DCDC1: variants seen among roughly 807,000 people sequenced by gnomAD.
The protein encoded by DCDC1 is doublecortin domain containing 1, also known as doublecortin domain-containing protein 1.
DCDC1 carries 200 observed loss-of-function variants against 178.3 expected under a neutral mutation model. The observed-to-expected ratio is 1.12, with a 90% CI of 1.00 to 1.26. The LOEUF (loss-of-function observed/expected upper bound fraction) is 1.26. Among genes scored for constraint, DCDC1 ranks in the 50% most tolerant of loss-of-function variants. The pLI is 0.00. For synonymous variants in DCDC1, 690 were observed against 604.8 expected (o/e 1.14, Z -2.07); for missense variants, 1,983 against 1,749.2 (o/e 1.13, Z -2.38).
At chr11:30,975,831 T>C (rs1450412576) in intron 20 of DCDC1, among the ~76,000 whole-genome samples, 5 of 151,942 alleles carry the variant, frequency 3.3e-5, no homozygotes, top group Non-Finnish European at 1.5e-5. Flanking sequence ...AAAGTGCCAA[T>C]GTCATTTTTT....
At chr11:31,243,435 G>A (rs1977432080) in intron 8 of DCDC1, among the ~76,000 whole-genome samples, 1 of 151,608 alleles carries the variant, frequency 6.6e-6, no homozygotes, top group Admixed American at 6.6e-5. Context: ...TTAATAAATT[G>A]AGCAGTAGGT....
At chr11:31,101,770 T>C (rs1958515404) in intron 15 of DCDC1, among the ~76,000 whole-genome samples, 5 of 80,240 alleles carry the variant, frequency 6.2e-5, no homozygotes. Context: ...TGTAATATAA[T>C]TTATAGTTTA....
At chr11:30,987,881 C>T (rs1436284240) in intron 20 of DCDC1, among the ~76,000 whole-genome samples, 1 of 152,122 alleles carries the variant, frequency 6.6e-6, no homozygotes, top group Non-Finnish European at 1.5e-5. Context: ...ATTCTTCTTC[C>T]TCCAGTGCAG....
chr11:31,183,813 C>G (rs1198135000), intron 9 of DCDC1, among the ~76,000 whole-genome samples: 1 of 152,160 alleles, frequency 6.6e-6, no homozygotes, highest in Non-Finnish European at 1.5e-5. Flanking sequence ...AAAAACATTC[C>G]ATGTTCATGG....
At chr11:31,016,751 A>C (rs1057347699) in intron 20 of DCDC1, among the ~76,000 whole-genome samples, 7 of 152,176 alleles carry the variant, frequency 4.6e-5, no homozygotes, top group African/African-American at 1.7e-4. Context: ...CTTCAAAAAT[A>C]GGGATGCCTG....
At chr11:31,018,781 G>C (rs577800274) in intron 20 of DCDC1, among the ~76,000 whole-genome samples, 1 of 152,246 alleles carries the variant, frequency 6.6e-6, no homozygotes, top group South Asian at 2.1e-4. Flanking sequence ...TCCACATCCT[G>C]ACAATCCAGA....
intron 9 of DCDC1, among the ~76,000 whole-genome samples, chr11:31,230,559 T>C (rs191563958): frequency 6.6e-6 from 1 of 152,246 alleles, no homozygotes; most frequent in Admixed American, 6.5e-5. Flanking sequence ...CATCAGCTAC[T>C]GACCTCAGCA....
At chr11:31,026,443 G>A (rs1953240833) in intron 20 of DCDC1, among the ~76,000 whole-genome samples, 1 of 151,784 alleles carries the variant, frequency 6.6e-6, no homozygotes, top group African/African-American at 2.4e-5. Context: ...TCAAGTTTAT[G>A]TGACTATGAT....
intron 2 of DCDC1, among the ~76,000 whole-genome samples, chr11:31,332,501 C>T (rs1455431557): frequency 6.6e-6 from 1 of 152,178 alleles, no homozygotes; most frequent in Non-Finnish European, 1.5e-5. Context: ...TTCCTTCTTT[C>T]TCTTGTGGGC....
chr11:30,895,133 A>T (rs9300006), intron 34 of DCDC1, among the ~76,000 whole-genome samples: 1 of 151,986 alleles, frequency 6.6e-6, no homozygotes, highest in Non-Finnish European at 1.5e-5. Context: ...ATTGATCTCT[A>T]AGCTTATTAA....
At chr11:31,058,438 T>C (rs753805544) in intron 20 of DCDC1, among the ~76,000 whole-genome samples, 7 of 152,082 alleles carry the variant, frequency 4.6e-5, no homozygotes, top group Non-Finnish European at 7.4e-5. Flanking sequence ...ATTCAGACAG[T>C]AAATATATAT....
intron 30 of DCDC1, 200 bp downstream of exon 30, chr11:30,906,338 GTC>G (rs1203245654): frequency 2.0e-6 from 1 of 509,662 alleles, no homozygotes; most frequent in African/African-American, 1.9e-5. Flanking sequence ...ACTTCAAAGA[GTC>G]TATTGAACTA....
chr11:30,960,924 G>A (rs1328317994), intron 20 of DCDC1, among the ~76,000 whole-genome samples: 3 of 152,002 alleles, frequency 2.0e-5, no homozygotes, highest in Non-Finnish European at 4.4e-5. Flanking sequence ...CCATGGATAG[G>A]AGTATGAACA....
intron 1 of DCDC1, among the ~76,000 whole-genome samples, chr11:31,339,097 G>A (rs774325888): frequency 1.1e-4 from 16 of 152,212 alleles, no homozygotes; most frequent in Admixed American, 5.9e-4. Context: ...TTGGTATAAT[G>A]AAATAGACTT....
chr11:31,339,458 G>A (rs188116437), intron 1 of DCDC1, among the ~76,000 whole-genome samples: 107 of 152,178 alleles, frequency 7.0e-4, no homozygotes, highest in African/African-American at 2.3e-3. Context: ...ATTTTGTTAT[G>A]GCAGCCCAGA....
intron 9 of DCDC1, among the ~76,000 whole-genome samples, chr11:31,162,826 A>G (rs573005823): frequency 8.5e-5 from 13 of 152,320 alleles, no homozygotes; most frequent in Admixed American, 3.3e-4. Flanking sequence ...TCCCTACTTT[A>G]TAAGAGAAGT....
intron 9 of DCDC1, among the ~76,000 whole-genome samples, chr11:31,206,035 G>C (rs1251357892): frequency 6.6e-6 from 1 of 152,134 alleles, no homozygotes; most frequent in Non-Finnish European, 1.5e-5. Context: ...CAACGACCAT[G>C]AACATTACTG....
intron 20 of DCDC1, among the ~76,000 whole-genome samples, chr11:30,986,475 G>T (rs1470785582): frequency 6.6e-6 from 1 of 151,838 alleles, no homozygotes; most frequent in Non-Finnish European, 1.5e-5. Flanking sequence ...TGGGACTACA[G>T]GCACACACCA....
At chr11:31,361,562 A>C (rs1340262160) in intron 1 of DCDC1, among the ~76,000 whole-genome samples, 1 of 152,006 alleles carries the variant, frequency 6.6e-6, no homozygotes, top group Non-Finnish European at 1.5e-5. Context: ...ACTCACTGCA[A>C]CCTCTGCCTC....
Sources: allele counts gnomAD v4.1 joint callset (sites outside exome capture counted in the v4.1 genomes callset), GRCh38; gene constraint gnomAD v4.1.1; transcripts MANE v1.5; gene names NCBI Gene and HGNC (gene_info 2026-07-23, HGNC 2026-07-21).